Variants in GAS7 observed in about 807,000 individuals in gnomAD.
The protein encoded by GAS7 is growth arrest-specific protein 7.
In GAS7, 28 loss-of-function variants were observed where a neutral mutation model predicts 71.1. The observed-to-expected ratio is 0.39, with a 90% CI of 0.29 to 0.54. The LOEUF (loss-of-function observed/expected upper bound fraction) is 0.54, where lower values mean the gene tolerates loss of function less well. Among genes scored for constraint, GAS7 ranks in the 20% least tolerant of loss-of-function variants. The pLI is 0.62. For synonymous variants in GAS7, 258 were observed against 245.8 expected (o/e 1.05, Z -0.46); for missense variants, 436 against 627.8 (o/e 0.69, Z 3.27).
chr17:10,140,390 G>A (rs1348034364), intron 1 of GAS7, among the ~76,000 whole-genome samples: 1 of 152,120 alleles, frequency 6.6e-6, no homozygotes, highest in Admixed American at 6.5e-5. Flanking sequence ...TGAGTCCGGG[G>A]GTTGAGGCTG....
chr17:10,051,875 A>C (rs189537678), intron 1 of GAS7, among the ~76,000 whole-genome samples: 13 of 152,286 alleles, frequency 8.5e-5, no homozygotes, highest in African/African-American at 3.1e-4. Flanking sequence ...CCAGCATTGG[A>C]TATCCCCCAA....
chr17:10,019,741 G>C (rs746850967), intron 2 of GAS7, 36 bp downstream of exon 2: 5 of 1,590,354 alleles, frequency 3.1e-6, no homozygotes, highest in Admixed American at 3.5e-5. Context: ...GAATGCCAGG[G>C]GGTTGGTGCA....
Position 10,192,993 on chromosome 17 carries a change from C to T in GAS7, c.183+5215G>A, listed in dbSNP as rs192236594. On this transcript the variant is annotated intron_variant, in intron 1 of 13. Transcript: ENST00000432992. ...TACTAGCATGAGGGACAAGGTCACA[C>T]TCATTTTGGGTGATTTTCATGTTGC... 1.0e-3 allele frequency among the ~76,000 whole-genome samples: 157 copies of T among 152,202 alleles called. 1 individual carries two copies. Among genetic ancestry groups the T allele is most frequent in the African/African-American group, 3.7e-3 (152 of 41,516 alleles).
At chr17:10,044,533 TATTTTGTGGTAGTAA>T (rs1291376902) in intron 1 of GAS7, among the ~76,000 whole-genome samples, 1 of 152,244 alleles carries the variant, frequency 6.6e-6, no homozygotes, top group African/African-American at 2.4e-5. Context: ...GATTTGTATG[TATTTTGTGGTAGTAA>T]ATGATAAACT....
At chr17:9,930,828 T>C (rs2068182830) in intron 9 of GAS7, among the ~76,000 whole-genome samples, 1 of 152,202 alleles carries the variant, frequency 6.6e-6, no homozygotes, top group Non-Finnish European at 1.5e-5. Context: ...ATAAAACCAC[T>C]AGGCTGCTGC....
At chr17:9,928,187 A>G (rs2068082607) in intron 9 of GAS7, among the ~76,000 whole-genome samples, 1 of 151,370 alleles carries the variant, frequency 6.6e-6, no homozygotes. Context: ...ATCTCGGCTC[A>G]CTGCAAGCCT....
At chr17:10,142,957 G>T (rs927577091) in intron 1 of GAS7, among the ~76,000 whole-genome samples, 3 of 151,570 alleles carry the variant, frequency 2.0e-5, no homozygotes, top group Non-Finnish European at 4.4e-5. Context: ...GATCACCTGA[G>T]GTCAGGAGTT....
At chr17:9,972,587 TACAA>T (rs1455365291) in intron 3 of GAS7, among the ~76,000 whole-genome samples, 1 of 151,758 alleles carries the variant, frequency 6.6e-6, no homozygotes, top group Non-Finnish European at 1.5e-5. Context: ...CATCATATCC[TACAA>T]ACAAAGATAA....
At chr17:10,170,064 T>C (rs1246574127) in intron 1 of GAS7, among the ~76,000 whole-genome samples, 1 of 152,144 alleles carries the variant, frequency 6.6e-6, no homozygotes, top group Non-Finnish European at 1.5e-5. Flanking sequence ...CAAAATCCAG[T>C]GGTGACAGCC....
chr17:10,184,903 G>C (rs956011595), intron 1 of GAS7, among the ~76,000 whole-genome samples: 19 of 150,910 alleles, frequency 1.3e-4, no homozygotes, highest in African/African-American at 4.4e-4. Context: ...TGGGAGGCTG[G>C]AGACCAAGCT....
In GAS7 at chr17:10,047,845, A is replaced by G. The variant is rs1027700251; in HGVS notation, c.184-27948T>C. ...GGGGCTAACAGGAAAAGTGTCCCCA[A>G]ATTGCAAAGGACAAAAAGCAAGGAA... On this transcript the variant is annotated intron_variant, in intron 1 of 13. Coordinates refer to ENST00000432992, the MANE Select transcript of GAS7 (RefSeq NM_201433.2). 5.3e-5 allele frequency among the ~76,000 whole-genome samples: 8 copies of G among 152,346 alleles called. 1 individual carries two copies.
intron 1 of GAS7, among the ~76,000 whole-genome samples, chr17:10,171,595 T>A (rs72810925): frequency 0.18 from 26,663 of 152,096 alleles, 2,565 homozygotes; most frequent in South Asian, 0.25. Context: ...ATGAACAAGA[T>A]CCAAATGCAT....
chr17:9,930,038 CT>C (rs1199649975), intron 9 of GAS7, among the ~76,000 whole-genome samples: 2 of 152,326 alleles, frequency 1.3e-5, no homozygotes, highest in African/African-American at 4.8e-5. Flanking sequence ...ATTTCAGACA[CT>C]GTCTAGTCTG....
intron 5 of GAS7, among the ~76,000 whole-genome samples, chr17:9,956,009 A>G (rs1443320567): frequency 6.6e-6 from 1 of 152,194 alleles, no homozygotes; most frequent in Non-Finnish European, 1.5e-5. Flanking sequence ...AGGGGTACGC[A>G]GTGGGACACA....
At chr17:10,147,786 T>C (rs1281462404) in intron 1 of GAS7, among the ~76,000 whole-genome samples, 1 of 152,200 alleles carries the variant, frequency 6.6e-6, no homozygotes, top group Non-Finnish European at 1.5e-5. Flanking sequence ...ACTCTATTAA[T>C]GTGAATCTTG....
At chr17:10,106,169 AGTGCCATGCGTATTCCTACCTCG>A (rs1328875582) in intron 1 of GAS7, among the ~76,000 whole-genome samples, 1 of 152,162 alleles carries the variant, frequency 6.6e-6, no homozygotes, top group Admixed American at 6.5e-5. Context: ...CATCCCCAAA[AGTGCCATGCGTATTCCTACCTCG>A]GTGCTGCTGG....
At chr17:10,045,593 A>T (rs1387769908) in intron 1 of GAS7, among the ~76,000 whole-genome samples, 2 of 152,214 alleles carry the variant, frequency 1.3e-5, no homozygotes, top group Non-Finnish European at 2.9e-5. Flanking sequence ...GCTACTCAGC[A>T]GGCTGAGACA....
intron 1 of GAS7, among the ~76,000 whole-genome samples, chr17:10,157,848 T>C (rs1012212183): frequency 1.3e-5 from 2 of 152,002 alleles, no homozygotes; most frequent in Non-Finnish European, 2.9e-5. Context: ...AGTAAGCATA[T>C]AGGTACTCGT....
Position 10,198,504 on chromosome 17 carries a change from C to G in GAS7, c.-114G>C, listed in dbSNP as rs928814591. ...GCGCTCCGGGCTCCCGCGCTCTGGG[C>G]GCGCGCCGTCTCTGGGGTGCGCGGG... On this transcript the variant is annotated 5_prime_UTR_variant, in exon 1 of 14. Coordinates refer to ENST00000432992, the MANE Select transcript of GAS7 (RefSeq NM_201433.2). 8.1e-5 allele frequency: 56 copies of G among 695,190 alleles called. No individual in the cohort carries two copies. Among genetic ancestry groups the G allele is most frequent in the Non-Finnish European group, 8.2e-5 (39 of 473,934 alleles). 43.1% of individuals were successfully genotyped at this position (695,190 alleles called of 1,614,324 possible).
Sources: gnomAD v4.1 joint callset for allele counts (sites outside exome capture counted in the v4.1 genomes callset) on GRCh38, gnomAD v4.1.1 for gene constraint, MANE v1.5 for transcripts, NCBI Gene and HGNC (gene_info 2026-07-23, HGNC 2026-07-21) for gene names.